The following TMEM163 variants were observed in gnomAD, a reference collection of about 807,000 sequenced individuals.
TMEM163 encodes transmembrane protein 163.
In TMEM163, 17 loss-of-function variants were observed where a neutral mutation model predicts 29.3. The ratio of observed to expected loss-of-function variants is 0.58; its 90% CI spans 0.40 to 0.87. The LOEUF (loss-of-function observed/expected upper bound fraction) is 0.87, where lower values mean the gene tolerates loss of function less well. TMEM163 is among the 40% of genes least tolerant of loss of function. The probability of loss-of-function intolerance (pLI) is 0.00; values close to 1 mark genes in which losing one functional copy is unlikely to be tolerated. For missense variants in TMEM163, 303 were observed against 381.5 expected (o/e 0.79, Z 1.71); for synonymous variants, 157 against 160.6 (o/e 0.98, Z 0.17).
At chr2:134,491,794 A>G (rs956118993) in intron 5 of TMEM163, among the ~76,000 whole-genome samples, 12 of 152,224 alleles carry the variant, frequency 7.9e-5, no homozygotes, top group Non-Finnish European at 1.2e-4. Flanking sequence ...AAATAGAGTA[A>G]CATGGCAGAC....
chr2:134,512,962 G>A (rs533278113), intron 4 of TMEM163, among the ~76,000 whole-genome samples: 2 of 152,348 alleles, frequency 1.3e-5, no homozygotes, highest in South Asian at 4.1e-4. Flanking sequence ...AGGTGAGGAT[G>A]TGGCAAATGA....
At chr2:134,681,619 A>G (rs13383547) in intron 2 of TMEM163, among the ~76,000 whole-genome samples, 8,208 of 152,210 alleles carry the variant, frequency 0.054, 379 homozygotes, top group African/African-American at 0.11. Context: ...TCTATAAGTC[A>G]CACAGGTTAT....
intron 2 of TMEM163, among the ~76,000 whole-genome samples, chr2:134,574,820 T>G (rs1681512324): frequency 1.3e-5 from 2 of 152,204 alleles, no homozygotes; most frequent in Admixed American, 6.5e-5. Context: ...GTAGGAGATT[T>G]GCTGCCTAAG....
At position 134,633,749 on chromosome 2, in the gene TMEM163, G is replaced by A. The variant is rs182700016; in HGVS notation, c.322+79451C>T. 2.6e-3 allele frequency among the ~76,000 whole-genome samples: 389 copies of A among 151,950 alleles called. 2 individuals are homozygous for A. Among genetic ancestry groups the A allele is most frequent in the African/African-American group, 8.8e-3 (364 of 41,480 alleles). ...GGCCGAGGCAGGTGGATCACTTGAG[G>A]TCAGGAGTTCGAGACCAGACTGGCC... On this transcript the variant is annotated intron_variant, in intron 2 of 7. Transcript: ENST00000281924.
chr2:134,456,845 T>A, intron 7 of TMEM163, 69 bp from the exon 8 acceptor site: 1 of 1,510,632 alleles, frequency 6.6e-7, no homozygotes, highest in South Asian at 1.2e-5. Context: ...AAGCGTATTT[T>A]CATTTTTTTT....
intron 5 of TMEM163, among the ~76,000 whole-genome samples, chr2:134,489,914 ACTC>A (rs1409977099): frequency 6.6e-6 from 1 of 151,980 alleles, no homozygotes; most frequent in African/African-American, 2.4e-5. Flanking sequence ...CGAAAGATGA[ACTC>A]CTCCTGGTTA....
intron 4 of TMEM163, among the ~76,000 whole-genome samples, chr2:134,513,024 G>C (rs990174338): frequency 4.6e-5 from 7 of 152,306 alleles, no homozygotes; most frequent in Non-Finnish European, 8.8e-5. Flanking sequence ...ATATGGATCA[G>C]GATATAGTAC....
intron 4 of TMEM163, among the ~76,000 whole-genome samples, chr2:134,541,991 T>G (rs1180209493): frequency 6.6e-6 from 1 of 152,192 alleles, no homozygotes; most frequent in Non-Finnish European, 1.5e-5. Context: ...GGAATGAAAT[T>G]GAGGCATCAA....
In TMEM163 at chr2:134,552,740, C is replaced by T. The variant is rs148929032; in HGVS notation, c.323-649G>A. 1.6e-4 allele frequency among the ~76,000 whole-genome samples: 23 copies of T among 148,216 alleles called. No homozygotes were observed. In the East Asian group the frequency reaches 4.4e-3, roughly 29 times the overall value. ...GCAATGGTGCTGTCTCGGCTCACTG[C>T]AACCTCTGCCTCCCGGGTTCAAGTG... On this transcript the variant is annotated intron_variant, in intron 2 of 7. Coordinates refer to ENST00000281924, the MANE Select transcript of TMEM163 (RefSeq NM_030923.5).
At chr2:134,709,420 T>C (rs1684882451) in intron 2 of TMEM163, among the ~76,000 whole-genome samples, 1 of 152,230 alleles carries the variant, frequency 6.6e-6, no homozygotes. Context: ...GCACAAACTT[T>C]GAAAGTCCAC....
Position 134,718,781 on chromosome 2 carries a change from A to G in TMEM163, c.155T>C (p.Val52Ala). The G allele has an allele frequency of 8.7e-7, 1 of 1,151,038 alleles. No homozygotes were observed. 71.3% of individuals were successfully genotyped at this position (1,151,038 alleles called of 1,614,324 possible). A position where few individuals can be genotyped will look rare whatever the true frequency, so the allele number is the denominator to read the frequency against. ...EPPQLEEERQ[V>A]RISESGQFSD... The stretch of plus-strand genomic sequence containing the variant: ...GAACTGGCCGCTCTCGCTGATCCGC[A>G]CCTGCCGCTCCTCCTCCAGCTGGGG... The change falls in exon 1 of 8, where the codon GTG becomes GCG. Residue 52 changes from valine to alanine, a missense_variant. Physicochemically the swap from Val to Ala is moderately conservative, Grantham distance 64. Coordinates refer to ENST00000281924, the MANE Select transcript of TMEM163 (RefSeq NM_030923.5).
chr2:134,650,993 G>A lies in TMEM163; in HGVS notation c.322+62207C>T, dbSNP rs201660089. On this transcript the variant is annotated intron_variant, in intron 2 of 7. Transcript: ENST00000281924. ...AGTCTTTGCTATTGTGAATAATGCC[G>A]CAATAAACATACGTGTGCATGTGTC... 3.9e-4 allele frequency among the ~76,000 whole-genome samples: 40 copies of A among 102,580 alleles called. No individual in the cohort carries two copies. The East Asian group carries it at 7.9e-3, about 20-fold the overall frequency. 67.3% of individuals were successfully genotyped at this position (102,580 alleles called of 152,430 possible).
chr2:134,474,675 GACCACAT>G (rs1453569427), intron 5 of TMEM163, among the ~76,000 whole-genome samples: 1 of 152,052 alleles, frequency 6.6e-6, no homozygotes, highest in Non-Finnish European at 1.5e-5. Flanking sequence ...AGTTTAATAA[GACCACAT>G]ACCAAGTTAG....
At chr2:134,712,375 A>G (rs1440898721) in intron 2 of TMEM163, among the ~76,000 whole-genome samples, 1 of 152,134 alleles carries the variant, frequency 6.6e-6, no homozygotes, top group Non-Finnish European at 1.5e-5. Context: ...TTGTCACAGG[A>G]GACACCTTGT....
chr2:134,645,611 T>G (rs1683319462), intron 2 of TMEM163, among the ~76,000 whole-genome samples: 1 of 152,196 alleles, frequency 6.6e-6, no homozygotes, highest in Non-Finnish European at 1.5e-5. Context: ...CTGTGGTATA[T>G]CCATATAATG....
At chr2:134,527,026 A>C (rs192136744) in intron 4 of TMEM163, among the ~76,000 whole-genome samples, 74 of 152,304 alleles carry the variant, frequency 4.9e-4, no homozygotes, top group Non-Finnish European at 9.8e-4. Flanking sequence ...ACCCTATAAA[A>C]ATGCCTCACC....
chr2:134,631,862 T>C (rs1682977970), intron 2 of TMEM163, among the ~76,000 whole-genome samples: 1 of 152,224 alleles, frequency 6.6e-6, no homozygotes, highest in African/African-American at 2.4e-5. Flanking sequence ...TCAGAATAAT[T>C]CAACAAATAT....
intron 4 of TMEM163, among the ~76,000 whole-genome samples, chr2:134,524,706 T>C (rs900136274): frequency 3.3e-5 from 5 of 150,402 alleles, no homozygotes; most frequent in Admixed American, 6.6e-5. Context: ...ATCTCATTCC[T>C]TTTTATGGCT....
intron 6 of TMEM163, among the ~76,000 whole-genome samples, chr2:134,464,333 G>T (rs1397992163): frequency 6.6e-6 from 1 of 152,140 alleles, no homozygotes; most frequent in Non-Finnish European, 1.5e-5. Flanking sequence ...GTCTTGGGGG[G>T]CTGGCATAAA....
Sources: allele counts gnomAD v4.1 joint callset (sites outside exome capture counted in the v4.1 genomes callset), GRCh38; gene constraint gnomAD v4.1.1; transcripts MANE v1.5; gene names NCBI Gene and HGNC (gene_info 2026-07-23, HGNC 2026-07-21).